Variants in MEIOB observed in about 807,000 individuals in gnomAD.
The protein encoded by MEIOB is meiosis-specific with OB domain-containing protein.
In MEIOB, 50 loss-of-function variants were observed where a neutral mutation model predicts 53.1. The ratio of observed to expected loss-of-function variants is 0.94; its 90% confidence interval spans 0.75 to 1.19. The LOEUF (loss-of-function observed/expected upper bound fraction) is 1.19, where lower values mean the gene tolerates loss of function less well. Among genes scored for constraint, MEIOB ranks in the 50% most tolerant of loss-of-function variants. The probability of loss-of-function intolerance (pLI) is 0.00; values close to 1 mark genes in which losing one functional copy is unlikely to be tolerated. For synonymous variants in MEIOB, 192 were observed against 182.5 expected, an observed-to-expected ratio of 1.05 and a Z score of -0.42; for missense variants, 551 against 550.8, an observed-to-expected ratio of 1.00 and a Z score of 0.00.
chr16:1,871,519 CTTTTTTTT>C (rs71148106), intron 1 of MEIOB, among the ~76,000 whole-genome samples: 5 of 39,818 alleles, frequency 1.3e-4, no homozygotes, highest in Non-Finnish European at 1.8e-4. Flanking sequence ...GCGCCCGGCC[CTTTTTTTT>C]TTTTTTTTTT....
chr16:1,838,828 A>T (rs547558726), intron 12 of MEIOB, among the ~76,000 whole-genome samples: 4 of 152,068 alleles, frequency 2.6e-5, no homozygotes, highest in Non-Finnish European at 4.4e-5. Context: ...AGTAGCTAGG[A>T]TTACAAGTGC....
At position 1,852,520 on chromosome 16, in the gene MEIOB, C is replaced by T. The variant is rs185254280; in HGVS notation, c.778+519G>A. Reference sequence around the variant, plus strand: ...TCGTGAGCAGCCCACCTTGGCCTCCCAAAGTGCTGGAATTACAGGTGTGAG... The same window carrying T: ...TCGTGAGCAGCCCACCTTGGCCTCCTAAAGTGCTGGAATTACAGGTGTGAG... On this transcript the variant is annotated intron_variant, in intron 9 of 13. Coordinates refer to ENST00000325962, the MANE Select transcript of MEIOB (RefSeq NM_001163560.3). Among the ~76,000 whole-genome samples, 42 of 151,564 alleles carry T rather than the reference C, an allele frequency of 2.8e-4. No individual in the cohort carries two copies. The Middle Eastern group carries it at 0.01, about 37-fold the overall frequency.
At chr16:1,834,829 G>C (rs1024170124) in intron 13 of MEIOB, among the ~76,000 whole-genome samples, 1 of 152,196 alleles carries the variant, frequency 6.6e-6, no homozygotes, top group African/African-American at 2.4e-5. Context: ...CAGCTACTCA[G>C]AAGGCTGAGG....
At chr16:1,871,519 CTT>C (rs71148106) in intron 1 of MEIOB, among the ~76,000 whole-genome samples, 772 of 39,684 alleles carry the variant, frequency 0.019, 2 homozygotes, top group East Asian at 0.06. Flanking sequence ...GCGCCCGGCC[CTT>C]TTTTTTTTTT....
intron 3 of MEIOB, 79 bp from the exon 4 acceptor site, chr16:1,862,195 A>G (rs1300022983): frequency 1.6e-5 from 19 of 1,154,598 alleles, no homozygotes; most frequent in Non-Finnish European, 2.1e-5. Flanking sequence ...TGTTACATGA[A>G]AAGTTTCATT....
chr16:1,835,770 C>T (rs994781620), intron 13 of MEIOB, among the ~76,000 whole-genome samples: 21 of 152,280 alleles, frequency 1.4e-4, no homozygotes, highest in African/African-American at 4.1e-4. Context: ...ACTGCTTCTG[C>T]CCTATAGAGG....
intron 9 of MEIOB, among the ~76,000 whole-genome samples, chr16:1,846,192 G>A (rs891064913): frequency 6.6e-6 from 1 of 152,176 alleles, no homozygotes; most frequent in African/African-American, 2.4e-5. Flanking sequence ...TATTAACTTG[G>A]AGAGATATGC....
intron 9 of MEIOB, 23 bp from the exon 10 acceptor site, chr16:1,844,986 A>G: frequency 9.4e-7 from 1 of 1,066,638 alleles, no homozygotes; most frequent in Non-Finnish European, 1.4e-6. Context: ...ATGCATAATA[A>G]GTAAAAAGCA....
chr16:1,865,129 G>GT (rs905546039), intron 3 of MEIOB, among the ~76,000 whole-genome samples: 45 of 151,776 alleles, frequency 3.0e-4, no homozygotes, highest in Non-Finnish European at 4.9e-4. Context: ...ACAAATTTTT[G>GT]TTTTTTTTAA....
intron 10 of MEIOB, among the ~76,000 whole-genome samples, chr16:1,842,453 TA>T (rs74460539): frequency 1.9e-3 from 232 of 124,740 alleles, no homozygotes; most frequent in Middle Eastern, 7.9e-3. Context: ...TGTCTCTACT[TA>T]AAAAAAAAAA....
chr16:1,865,824 A>G lies in MEIOB; in HGVS notation c.81T>C (p.Gly27=). 7 of 1,547,510 alleles carry G rather than the reference A, an allele frequency of 4.5e-6. No individual in the cohort carries two copies. Among genetic ancestry groups the G allele is most frequent in the Non-Finnish European group, 6.1e-6 (7 of 1,145,796 alleles). Residue 27 remains glycine, a synonymous_variant, in exon 3 of 14, where the codon GGT becomes GGC. Transcript: ENST00000325962. ...QTNMANLKVI[G]IVIGKTDVKG... ...TGACATCTGTTTTCCCAATAACTATACCGATAACTTTCTGAAAAACAAAAA... is the reference window on the plus strand; with the variant it reads ...TGACATCTGTTTTCCCAATAACTATGCCGATAACTTTCTGAAAAACAAAAA...
At chr16:1,837,892 GAC>G (rs760674658) in intron 12 of MEIOB, 22 bp from the exon 13 acceptor site, 2 of 1,479,596 alleles carry the variant, frequency 1.4e-6, no homozygotes, top group Non-Finnish European at 1.8e-6. Context: ...AAAAATATGA[GAC>G]AAATATATTT....
At chr16:1,855,553 G>A (rs1006172533) in intron 6 of MEIOB, among the ~76,000 whole-genome samples, 2 of 152,226 alleles carry the variant, frequency 1.3e-5, no homozygotes, top group African/African-American at 4.8e-5. Context: ...GACTCACTGA[G>A]GGGGTGGGAA....
chr16:1,834,071 GA>G lies in MEIOB; in HGVS notation c.*184del. 1 of 483,604 alleles carries G rather than the reference GA, an allele frequency of 2.1e-6. No individual in the cohort carries two copies. The highest frequency in any genetic ancestry group is 3.4e-5 in the East Asian group (1 of 29,284). The allele number at this position is 483,604 out of a possible 1,614,324, so 30.0% of individuals were successfully genotyped here. The stretch of plus-strand genomic sequence containing the variant: ...GCAAAGACAGTAGGAGGCCTTCTAA[GA>G]AGGGAGGTCAGATGAGAGAGGCCTT... On this transcript the variant is annotated 3_prime_UTR_variant, in exon 14 of 14. Transcript: ENST00000325962.
chr16:1,852,286 C>T (rs562106462), intron 9 of MEIOB, among the ~76,000 whole-genome samples: 5 of 96,874 alleles, frequency 5.2e-5, no homozygotes, highest in Middle Eastern at 0.013. Flanking sequence ...TTTTTTGAGA[C>T]GGAGTCTCGC....
At chr16:1,854,639 C>T (rs1657118) in intron 6 of MEIOB, among the ~76,000 whole-genome samples, 125,535 of 152,006 alleles carry the variant, frequency 0.83, 51,961 homozygotes, top group Middle Eastern at 0.9. Context: ...ACATCAAATA[C>T]AGCATATCTG....
intron 4 of MEIOB, among the ~76,000 whole-genome samples, 194 bp from the exon 5 acceptor site, chr16:1,860,669 T>G (rs1295046534): frequency 1.3e-5 from 2 of 152,192 alleles, no homozygotes; most frequent in African/African-American, 4.8e-5. Flanking sequence ...AATCTTTATC[T>G]CCATATGTAA....
intron 3 of MEIOB, among the ~76,000 whole-genome samples, chr16:1,863,725 CAA>C (rs5815103): frequency 6.1e-5 from 9 of 147,424 alleles, no homozygotes; most frequent in South Asian, 2.1e-4. Context: ...GACCCTGTCT[CAA>C]AAAAAAAAAA....
In MEIOB at chr16:1,871,519, CTTTTTT is replaced by C. The variant is rs71148106; in HGVS notation, c.-10+468_-10+473del. ...CAGGCTTGAGCCACCGCGCCCGGCC[CTTTTTT>C]TTTTTTTTTTTTTTTTTTTGACAGA... On this transcript the variant is annotated intron_variant, in intron 1 of 13. Transcript: ENST00000325962. 1.1e-3 allele frequency among the ~76,000 whole-genome samples: 44 copies of C among 39,814 alleles called. No individual in the cohort carries two copies. The East Asian group carries it at 0.019, about 17-fold the overall frequency. 26.1% of individuals were successfully genotyped at this position (39,814 alleles called of 152,430 possible). A position where few individuals can be genotyped will look rare whatever the true frequency, so the allele number is the denominator to read the frequency against.
Sources: allele counts gnomAD v4.1 joint callset (sites outside exome capture counted in the v4.1 genomes callset), GRCh38; gene constraint gnomAD v4.1.1; transcripts MANE v1.5; gene names NCBI Gene and HGNC (gene_info 2026-07-23, HGNC 2026-07-21).